Variants in ZNF385B observed in about 807,000 individuals in gnomAD.
The protein encoded by ZNF385B is zinc finger protein 385B.
Under a neutral mutation model 39.2 loss-of-function variants are expected in ZNF385B, and 23 were observed. The observed-to-expected ratio is 0.59, with a 90% CI of 0.42 to 0.83. The LOEUF (loss-of-function observed/expected upper bound fraction) is 0.83, where lower values mean the gene tolerates loss of function less well. Ranked by LOEUF, ZNF385B falls within the 40% of genes least tolerant of loss-of-function variation. ZNF385B has a pLI of 0.00. For synonymous variants in ZNF385B, 205 were observed against 222.6 expected (o/e 0.92, Z 0.70); for missense variants, 552 against 598.9 (o/e 0.92, Z 0.82).
At chr2:179,782,913 C>A (rs1048020710) in intron 1 of ZNF385B, among the ~76,000 whole-genome samples, 3 of 152,096 alleles carry the variant, frequency 2.0e-5, no homozygotes, top group Non-Finnish European at 2.9e-5. Context: ...CTGCCCAAAG[C>A]AATTTACAGA....
chr2:179,628,421 C>A (rs1575026597), intron 3 of ZNF385B, among the ~76,000 whole-genome samples: 1 of 152,094 alleles, frequency 6.6e-6, no homozygotes, highest in Non-Finnish European at 1.5e-5. Flanking sequence ...TTGGATTTTG[C>A]TGATTGGTTT....
intron 5 of ZNF385B, among the ~76,000 whole-genome samples, chr2:179,493,735 A>G (rs866240249): frequency 2.3e-4 from 32 of 139,616 alleles, no homozygotes; most frequent in South Asian, 6.4e-4. Context: ...ATATACATAT[A>G]TGTATACATA....
intron 3 of ZNF385B, among the ~76,000 whole-genome samples, chr2:179,712,590 T>A (rs1322664699): frequency 6.6e-6 from 1 of 152,142 alleles, no homozygotes. Flanking sequence ...TGTAGTTTCA[T>A]CCAGGTACTC....
intron 4 of ZNF385B, among the ~76,000 whole-genome samples, chr2:179,528,734 G>C (rs1452527163): frequency 6.6e-6 from 1 of 152,200 alleles, no homozygotes; most frequent in Non-Finnish European, 1.5e-5. Context: ...AATAGGAGAT[G>C]CCATAAGGTT....
chr2:179,579,302 T>C (rs928163912), intron 3 of ZNF385B, among the ~76,000 whole-genome samples: 2 of 152,128 alleles, frequency 1.3e-5, no homozygotes, highest in African/African-American at 4.8e-5. Context: ...TAGCATATAC[T>C]GAGTGTTACT....
rs184365322 is a variant in ZNF385B, at chr2:179,725,145, C to G, written c.298+44358G>C. ...TTAATTTCACCTATCAGATCAGGAG[C>G]CACAGCTATTTTTCAAAACATAGTA... On this transcript the variant is annotated intron_variant, in intron 3 of 9. Coordinates refer to ENST00000410066, the MANE Select transcript of ZNF385B (RefSeq NM_152520.6). Among the ~76,000 whole-genome samples, 503 of 151,994 alleles carry G rather than the reference C, an allele frequency of 3.3e-3. 2 individuals are homozygous for G. The highest frequency in any genetic ancestry group is 0.011 in the African/African-American group (458 of 41,486).
Position 179,442,069 on chromosome 2 carries a change from T to TA in ZNF385B, c.*1180dup, listed in dbSNP as rs1286892329. On this transcript the variant is annotated 3_prime_UTR_variant, in exon 10 of 10. Transcript: ENST00000410066. ...TTACAGGTTGCAGATATAGATGCTC[T>TA]AAAAGAGTCCACTCTATTTTGTTGT... The TA allele has an allele frequency of 1.3e-5, 2 of 152,672 alleles. No individual in the cohort carries two copies. The highest frequency in any genetic ancestry group is 1.3e-4 in the Admixed American group (2 of 15,284). The allele number at this position is 152,672 out of a possible 1,614,324, so 9.5% of individuals were successfully genotyped here.
chr2:179,637,757 A>G (rs1444414939), intron 3 of ZNF385B, among the ~76,000 whole-genome samples: 1 of 152,206 alleles, frequency 6.6e-6, no homozygotes. Context: ...CCTTTAGGCA[A>G]TCTAATCCCA....
Position 179,735,050 on chromosome 2 carries a change from G to C in ZNF385B, c.298+34453C>G, listed in dbSNP as rs547438885. On this transcript the variant is annotated intron_variant, in intron 3 of 9. Transcript: ENST00000410066. Reference sequence around the variant, plus strand: ...ACAAATGGGATCTAATTAAACTAAAGAGCTTCTGCACAGCAAAAGAAACTA... The same window carrying C: ...ACAAATGGGATCTAATTAAACTAAACAGCTTCTGCACAGCAAAAGAAACTA... Among the ~76,000 whole-genome samples, 91 of 152,018 alleles carry C rather than the reference G, an allele frequency of 6.0e-4. 2 individuals carry two copies. The South Asian group carries it at 0.019, about 31-fold the overall frequency.
chr2:179,623,353 G>A (rs545529358), intron 3 of ZNF385B, among the ~76,000 whole-genome samples: 6 of 151,966 alleles, frequency 3.9e-5, no homozygotes, highest in African/African-American at 1.4e-4. Flanking sequence ...TTTGAGAGAA[G>A]ACAAACTACA....
At chr2:179,765,361 T>C (rs1046769552) in intron 3 of ZNF385B, among the ~76,000 whole-genome samples, 1 of 152,168 alleles carries the variant, frequency 6.6e-6, no homozygotes, top group Non-Finnish European at 1.5e-5. Flanking sequence ...TCAGGCAGTA[T>C]GGAGTGACTT....
At position 179,573,159 on chromosome 2, in the gene ZNF385B, T is replaced by A. The variant is rs1685422421; in HGVS notation, c.299-28190A>T. 2.0e-5 allele frequency among the ~76,000 whole-genome samples: 3 copies of A among 152,192 alleles called. No homozygotes were observed. In the South Asian group the frequency reaches 6.2e-4, roughly 31 times the overall value. On this transcript the variant is annotated intron_variant, in intron 3 of 9. Coordinates refer to ENST00000410066, the MANE Select transcript of ZNF385B (RefSeq NM_152520.6). ...AAAGTTGAAGAAAGTGACTTAGGAATGGCGAATTCATATCTTCTGTAACAT... is the reference window on the plus strand; with the variant it reads ...AAAGTTGAAGAAAGTGACTTAGGAAAGGCGAATTCATATCTTCTGTAACAT...
chr2:179,849,945 C>T (rs1708993931), intron 1 of ZNF385B, among the ~76,000 whole-genome samples: 1 of 152,124 alleles, frequency 6.6e-6, no homozygotes, highest in African/African-American at 2.4e-5. Flanking sequence ...TGTGAGAAGT[C>T]ACCAAAGATG....
intron 6 of ZNF385B, among the ~76,000 whole-genome samples, chr2:179,461,744 AG>A (rs1285518799): frequency 1.3e-5 from 2 of 152,206 alleles, no homozygotes; most frequent in Non-Finnish European, 2.9e-5. Flanking sequence ...ACACTGTAAA[AG>A]TGAAGTGAGG....
At chr2:179,860,338 A>G (rs1684940941) in intron 1 of ZNF385B, among the ~76,000 whole-genome samples, 1 of 152,106 alleles carries the variant, frequency 6.6e-6, no homozygotes, top group Non-Finnish European at 1.5e-5. Context: ...ATCCAGGTTC[A>G]CCATAAAAAC....
intron 3 of ZNF385B, among the ~76,000 whole-genome samples, chr2:179,628,764 T>C (rs1690910746): frequency 6.6e-6 from 1 of 152,184 alleles, no homozygotes; most frequent in East Asian, 1.9e-4. Flanking sequence ...TCCTTCTCCA[T>C]GTATTGGCTG....
intron 4 of ZNF385B, among the ~76,000 whole-genome samples, chr2:179,541,713 G>A (rs1007649729): frequency 6.6e-5 from 10 of 152,028 alleles, no homozygotes; most frequent in African/African-American, 1.7e-4. Context: ...ATTCTGCTTC[G>A]TGTTGTTTGT....
intron 5 of ZNF385B, among the ~76,000 whole-genome samples, chr2:179,489,342 C>T (rs1225621903): frequency 1.3e-5 from 2 of 152,188 alleles, no homozygotes; most frequent in Non-Finnish European, 2.9e-5. Flanking sequence ...ACCACAAAAA[C>T]ATACCATAGT....
intron 3 of ZNF385B, among the ~76,000 whole-genome samples, chr2:179,714,955 A>AAAC (rs1230356449): frequency 2.0e-5 from 3 of 151,322 alleles, no homozygotes; most frequent in African/African-American, 4.8e-5. Context: ...AAAAAAAAAA[A>AAAC]AAAAAACAGT....
Sources: gnomAD v4.1 joint callset for allele counts (sites outside exome capture counted in the v4.1 genomes callset) on GRCh38, gnomAD v4.1.1 for gene constraint, MANE v1.5 for transcripts, NCBI Gene and HGNC (gene_info 2026-07-23, HGNC 2026-07-21) for gene names.